The following TMIE variants were observed in gnomAD, a reference collection of about 807,000 sequenced individuals.
TMIE encodes transmembrane inner ear expressed protein.
A neutral mutation model predicts 16.8 loss-of-function variants in TMIE; 14 were observed. The ratio of observed to expected loss-of-function variants is 0.83; its 90% CI spans 0.55 to 1.30. The LOEUF (loss-of-function observed/expected upper bound fraction) is 1.30. TMIE is among the 50% of genes most tolerant of loss of function. The pLI is 0.00. For missense variants in TMIE, 204 were observed against 205.9 expected, an observed-to-expected ratio of 0.99 and a Z score of 0.06; for synonymous variants, 75 against 87.2, an observed-to-expected ratio of 0.86 and a Z score of 0.78.
Position 46,705,857 on chromosome 3 carries a change from T to A in TMIE, c.161T>A (p.Met54Lys). The change falls in exon 2 of 4, where the codon ATG becomes AAG. Residue 54 changes from methionine to lysine, a missense_variant. Transcript: ENST00000643606. ...AAGGAGACAGTGGTGTTCTGGGACATGCGCCTGTGGCACGTGGTGGGCATC... is the reference window on the plus strand; with the variant it reads ...AAGGAGACAGTGGTGTTCTGGGACAAGCGCCTGTGGCACGTGGTGGGCATC... ...LTKETVVFWD[M>K]RLWHVVGIFS... The A allele has an allele frequency of 6.2e-7, 1 of 1,614,122 alleles. No homozygotes were observed. Among genetic ancestry groups the A allele is most frequent in the Non-Finnish European group, 8.5e-7 (1 of 1,180,038 alleles).
chr3:46,707,956 C>T (rs1401498706), intron 2 of TMIE, among the ~76,000 whole-genome samples: 1 of 152,230 alleles, frequency 6.6e-6, no homozygotes, highest in Non-Finnish European at 1.5e-5. Context: ...GACCCAGCTT[C>T]TTGGATAAGG....
chr3:46,696,225 G>A (rs554858273), intron 1 of TMIE, among the ~76,000 whole-genome samples: 3 of 152,326 alleles, frequency 2.0e-5, no homozygotes, highest in South Asian at 2.1e-4. Context: ...CTGGGTATGC[G>A]TGTGCAGATC....
chr3:46,710,201 G>T lies in TMIE; in HGVS notation c.*513G>T, dbSNP rs549991929. 32 of 219,818 alleles carry T rather than the reference G, an allele frequency of 1.5e-4. 1 individual carries two copies. The South Asian group carries it at 2.4e-3, about 17-fold the overall frequency. The allele number at this position is 219,818 out of a possible 1,614,324, so 13.6% of individuals were successfully genotyped here. On this transcript the variant is annotated 3_prime_UTR_variant, in exon 4 of 4. Transcript: ENST00000643606. ...TCTGTCTGGCCAGGGAGGAGCCCCA[G>T]TGGTGAGAAGACTTCCCCAAGCCTG...
At chr3:46,703,405 A>T (rs115721303) in intron 1 of TMIE, among the ~76,000 whole-genome samples, 1,568 of 152,292 alleles carry the variant, frequency 0.01, 25 homozygotes, top group Non-Finnish European at 0.015. Context: ...CATGGCCCTC[A>T]GAGTCTTCCA....
At chr3:46,699,797 A>G (rs1700448388), upstream of TMIE, among the ~76,000 whole-genome samples, 1 of 152,234 alleles carries the variant, frequency 6.6e-6, no homozygotes, top group Non-Finnish European at 1.5e-5. Context: ...GGGAGCCTGT[A>G]AGCAGCAGAG....
intron 1 of TMIE, among the ~76,000 whole-genome samples, chr3:46,704,535 TC>T (rs1404012884): frequency 1.4e-4 from 18 of 129,722 alleles, no homozygotes; most frequent in African/African-American, 3.7e-4. Context: ...CAGGACCGTG[TC>T]CCCTAGACGC....
At chr3:46,699,057 C>A (rs201516249), upstream of TMIE, among the ~76,000 whole-genome samples, 23 of 65,274 alleles carry the variant, frequency 3.5e-4, no homozygotes, top group East Asian at 1.6e-3. Flanking sequence ...AATGGTGTTT[C>A]TTATTTTTTT....
At chr3:46,701,033 C>G (rs77829267), upstream of TMIE, among the ~76,000 whole-genome samples, 32 of 147,864 alleles carry the variant, frequency 2.2e-4, no homozygotes, top group Non-Finnish European at 4.6e-4. This position sits in a 1 kb window ranked among gnomAD's most constrained non-coding sequence, Gnocchi z 4.3. Flanking sequence ...CCCGCTCTGC[C>G]CCCCCCCCAA....
intron 2 of TMIE, among the ~76,000 whole-genome samples, chr3:46,706,412 G>T (rs1190114346): frequency 6.6e-6 from 1 of 152,198 alleles, no homozygotes; most frequent in Non-Finnish European, 1.5e-5. Flanking sequence ...TTCCTCTCCT[G>T]GGCTCTGGGA....
upstream of TMIE, among the ~76,000 whole-genome samples, chr3:46,697,315 C>T (rs1336151262): frequency 6.6e-6 from 1 of 152,196 alleles, no homozygotes; most frequent in East Asian, 1.9e-4. Context: ...TTTTCCCACA[C>T]CTTTCTGATT....
upstream of TMIE, among the ~76,000 whole-genome samples, chr3:46,694,254 C>T (rs146625757): frequency 3.0e-3 from 456 of 152,348 alleles, 1 homozygote; most frequent in African/African-American, 8.7e-3. Context: ...CTTTCCTCCC[C>T]ACTCCTGAGT....
intron 1 of TMIE, among the ~76,000 whole-genome samples, chr3:46,702,812 C>G (rs1057252469): frequency 6.6e-6 from 1 of 152,124 alleles, no homozygotes; most frequent in Non-Finnish European, 1.5e-5. Context: ...CAAGGCTGGG[C>G]TAGAGTCAGG....
upstream of TMIE, among the ~76,000 whole-genome samples, chr3:46,701,036 C>T (rs184758218): frequency 1.3e-5 from 2 of 151,878 alleles, no homozygotes; most frequent in South Asian, 2.1e-4. This position sits in a 1 kb window ranked among gnomAD's most constrained non-coding sequence, Gnocchi z 4.3. Flanking sequence ...GCTCTGCCCC[C>T]CCCCCAAACT....
At chr3:46,706,806 C>T (rs1700557907) in intron 2 of TMIE, among the ~76,000 whole-genome samples, 3 of 152,146 alleles carry the variant, frequency 2.0e-5, no homozygotes. Flanking sequence ...CACGCAGGGT[C>T]TCAGATGAAC....
At chr3:46,706,129 G>C (rs986551246) in intron 2 of TMIE, among the ~76,000 whole-genome samples, 5 of 152,244 alleles carry the variant, frequency 3.3e-5, no homozygotes, top group African/African-American at 4.8e-5. Flanking sequence ...CAGGGAGGTA[G>C]CCACATGGCA....
chr3:46,709,158 G>A lies in TMIE; in HGVS notation c.244G>A (p.Val82Met). 1 of 1,614,156 alleles carries A rather than the reference G, an allele frequency of 6.2e-7. No homozygotes were observed. The highest frequency in any genetic ancestry group is 8.5e-7 in the Non-Finnish European group (1 of 1,180,036). Residue 82 changes from valine to methionine, a missense_variant, in exon 3 of 4, where the codon GTG becomes ATG. Val to Met is a conservative substitution (Grantham distance 21). Transcript: ENST00000643606. ...ITLCCVFNCR[V>M]PRTRKEIEAR... ...GCTGTGCTGTGTCTTCAACTGTCGT[G>A]TGCCACGGACCCGGAAGGAGATCGA... is the stretch of plus-strand genomic sequence containing the variant.
Position 46,710,330 on chromosome 3 carries a change from C to G in TMIE, c.*642C>G, listed in dbSNP as rs78774613. On this transcript the variant is annotated 3_prime_UTR_variant, in exon 4 of 4. Transcript: ENST00000643606. ...GGCAATGGGCTACCCTCATTTCACA[C>G]GTTGTGATGAAGCTGAGGCTGCTGC... The G allele has an allele frequency of 6.2e-6, 1 of 161,418 alleles. No individual in the cohort carries two copies. The highest frequency in any genetic ancestry group is 5.7e-5 in the Admixed American group (1 of 17,632). 10.0% of individuals were successfully genotyped at this position (161,418 alleles called of 1,614,324 possible). A position where few individuals can be genotyped will look rare whatever the true frequency, so the allele number is the denominator to read the frequency against.
At chr3:46,708,611 C>G (rs1006371347) in intron 2 of TMIE, among the ~76,000 whole-genome samples, 1 of 152,232 alleles carries the variant, frequency 6.6e-6, no homozygotes, top group Non-Finnish European at 1.5e-5. Flanking sequence ...CTCTCATGGG[C>G]TCCCGCCCTA....
At chr3:46,701,296 A>G, upstream of TMIE, 1 of 415,046 alleles carries the variant, frequency 2.4e-6, no homozygotes, top group Non-Finnish European at 4.3e-6. This position sits in a 1 kb window ranked among gnomAD's most constrained non-coding sequence, Gnocchi z 4.3. Context: ...CCCGGGAAGG[A>G]GGGGGCGGGC....
Sources: allele counts gnomAD v4.1 joint callset (sites outside exome capture counted in the v4.1 genomes callset), GRCh38; gene constraint gnomAD v4.1.1; non-coding constraint Gnocchi (gnomAD v3.1); transcripts MANE v1.5; gene names NCBI Gene and HGNC (gene_info 2026-07-23, HGNC 2026-07-21).